The following CFHR4 variants were observed in gnomAD, a reference collection of about 807,000 sequenced individuals.
The protein encoded by CFHR4 is complement factor H-related protein 4.
CFHR4 carries 64 observed loss-of-function variants against 69.3 expected under a neutral mutation model. The ratio of observed to expected loss-of-function variants is 0.92; its 90% CI spans 0.76 to 1.14. The LOEUF is 1.14. Among genes scored for constraint, CFHR4 ranks in the 50% most tolerant of loss-of-function variants. The probability of loss-of-function intolerance (pLI) is 0.00; values close to 1 mark genes in which losing one functional copy is unlikely to be tolerated. For synonymous variants in CFHR4, 244 were observed against 237.0 expected (o/e 1.03, Z -0.27); for missense variants, 636 against 684.9 (o/e 0.93, Z 0.80).
chr1:196,916,635 T>C (rs1481298893), intron 9 of CFHR4, among the ~76,000 whole-genome samples: 1 of 151,812 alleles, frequency 6.6e-6, no homozygotes, highest in East Asian at 1.9e-4. Flanking sequence ...CAAATCAAAA[T>C]AGTTTACAAG....
At chr1:196,903,943 C>T (rs1384105722) in intron 2 of CFHR4, among the ~76,000 whole-genome samples, 3 of 151,512 alleles carry the variant, frequency 2.0e-5, no homozygotes, top group Non-Finnish European at 4.4e-5. Flanking sequence ...CTGACTTTCA[C>T]TTTTTAGGTA....
chr1:196,915,698 G>T (rs539756329), intron 9 of CFHR4, among the ~76,000 whole-genome samples: 5 of 151,130 alleles, frequency 3.3e-5, no homozygotes, highest in African/African-American at 1.2e-4. Flanking sequence ...AAAAGAAAAA[G>T]AGAAAAAGAA....
chr1:196,912,774 T>C lies in CFHR4; in HGVS notation c.1032T>C (p.Asn344=). The part of the protein sequence containing the change: ...TCSKSDIEIE[N]GFISESSSIY... ...CAAAATCAGATATAGAAATTGAAAA[T>C]GGATTCATTTCTGAATCTTCCTCTA... Residue 344 remains asparagine (N), a synonymous_variant, in exon 7 of 10, where the codon AAT becomes AAC. Transcript: ENST00000608469. 1 of 1,597,420 alleles carries C rather than the reference T, an allele frequency of 6.3e-7. No individual in the cohort carries two copies.
intron 6 of CFHR4, among the ~76,000 whole-genome samples, chr1:196,911,902 G>A (rs1363770520): frequency 4.0e-5 from 6 of 151,462 alleles, no homozygotes; most frequent in African/African-American, 1.5e-4. Context: ...GGCAAGAATA[G>A]ATCAGAAAAC....
intron 6 of CFHR4, among the ~76,000 whole-genome samples, 165 bp from the exon 7 acceptor site, chr1:196,912,575 T>A (rs2124969804): frequency 6.6e-6 from 1 of 151,604 alleles, no homozygotes; most frequent in African/African-American, 2.4e-5. Flanking sequence ...AAATTCGTGG[T>A]TTCCTTTAAG....
In CFHR4 at chr1:196,905,735, G is replaced by C. The variant is rs1657875173; in HGVS notation, c.439+445G>C. Among the ~76,000 whole-genome samples the C allele has an allele frequency of 1.3e-5, 2 of 151,442 alleles. 1 individual carries two copies. The highest frequency in any genetic ancestry group is 2.9e-5 in the Non-Finnish European group (2 of 67,918). On this transcript the variant is annotated intron_variant, in intron 3 of 9. Transcript: ENST00000608469. ...GAGTTTCTGCTAGCATCAGGAAAAT[G>C]AGACTTCAATAATTTGTATCAATGA...
chr1:196,905,128 G>A lies in CFHR4; in HGVS notation c.277G>A (p.Val93Ile), dbSNP rs150254054. Residue 93 changes from valine to isoleucine, a missense_variant, in exon 3 of 10, where the codon GTA (valine) becomes ATA (isoleucine). Val to Ile is a conservative substitution (Grantham distance 29). Coordinates refer to ENST00000608469, the MANE Select transcript of CFHR4 (RefSeq NM_001201550.3). ...PCLRTCSKSDVEIENGFISES... is the reference protein window; with the variant it reads ...PCLRTCSKSDIEIENGFISES... ...TTTAGGAACATGCTCAAAATCAGAT[G>A]TAGAAATTGAAAATGGATTCATTTC... 1.2e-3 allele frequency: 1,984 copies of A among 1,600,874 alleles called. 70 individuals carry two copies. The African/African-American group carries it at 0.024, about 19-fold the overall frequency.
At chr1:196,897,222 G>T (rs1281136348) in intron 1 of CFHR4, among the ~76,000 whole-genome samples, 1 of 151,568 alleles carries the variant, frequency 6.6e-6, no homozygotes, top group Non-Finnish European at 1.5e-5. Context: ...TTGTCGCCCC[G>T]CAGCTCAAAC....
intron 1 of CFHR4, among the ~76,000 whole-genome samples, chr1:196,901,864 G>T (rs1657630251): frequency 1.3e-5 from 2 of 151,276 alleles, no homozygotes; most frequent in South Asian, 2.1e-4. Context: ...AATATTCCTA[G>T]TTCATTTTCC....
chr1:196,900,039 C>T (rs1483286261), intron 1 of CFHR4, among the ~76,000 whole-genome samples: 1 of 151,416 alleles, frequency 6.6e-6, no homozygotes, highest in Non-Finnish European at 1.5e-5. Flanking sequence ...AAGAATCCTA[C>T]GTGCAAAGCT....
At chr1:196,892,049 T>G (rs985552896) in intron 1 of CFHR4, among the ~76,000 whole-genome samples, 1 of 151,588 alleles carries the variant, frequency 6.6e-6, no homozygotes, top group Non-Finnish European at 1.5e-5. Flanking sequence ...AAAAAACAAT[T>G]ATTGCTAATG....
Position 196,918,301 on chromosome 1 carries a change from T to C in CFHR4, c.1632T>C (p.Asp544=). 2 of 1,610,368 alleles carry C rather than the reference T, an allele frequency of 1.2e-6. No individual in the cohort carries two copies. Among genetic ancestry groups the C allele is most frequent in the Non-Finnish European group, 1.7e-6 (2 of 1,177,694 alleles). ...TAAAATATTATGCAAAAACAGGGGA[T>C]ACCATTGAATTTATGTGTAAATTGG... The part of the protein sequence containing the change: ...SDIKYYAKTG[D]TIEFMCKLGY... Residue 544 remains aspartate, a synonymous_variant, in exon 10 of 10, where the codon GAT becomes GAC. Coordinates refer to ENST00000608469, the MANE Select transcript of CFHR4 (RefSeq NM_001201550.3).
At chr1:196,891,410 A>C (rs532335323) in intron 1 of CFHR4, among the ~76,000 whole-genome samples, 1 of 151,488 alleles carries the variant, frequency 6.6e-6, no homozygotes, top group East Asian at 1.9e-4. Flanking sequence ...CTCAGCAAAA[A>C]ACTGTGCATC....
Position 196,918,272 on chromosome 1 carries a change from G to C in CFHR4, c.1603G>C (p.Asp535His). The C allele has an allele frequency of 1.2e-6, 2 of 1,608,112 alleles. No individual in the cohort carries two copies. Among genetic ancestry groups the C allele is most frequent in the Non-Finnish European group, 1.7e-6 (2 of 1,175,874 alleles). Residue 535 changes from aspartate to histidine, a missense_variant, in exon 10 of 10, where the codon GAC becomes CAC. This residue lies in a region of CFHR4 where 85 missense variants were observed against 79.0 expected (regional missense o/e 1.08). Transcript: ENST00000608469. The stretch of plus-strand genomic sequence containing the variant: ...TAACATACAGTTAAAAGGAAAAAGT[G>C]ACATAAAATATTATGCAAAAACAGG... The part of the protein sequence containing the change: ...KNNIQLKGKS[D>H]IKYYAKTGDT...
At chr1:196,901,169 A>G (rs34833349) in intron 1 of CFHR4, among the ~76,000 whole-genome samples, 25,298 of 151,120 alleles carry the variant, frequency 0.17, 2,891 homozygotes, top group African/African-American at 0.28. Context: ...ACAGCTGAGG[A>G]TTTATACCCT....
chr1:196,893,044 G>A (rs1657113902), intron 1 of CFHR4, among the ~76,000 whole-genome samples: 1 of 151,560 alleles, frequency 6.6e-6, no homozygotes, highest in South Asian at 2.1e-4. Context: ...GTGTTTTTCA[G>A]TGTCAACAAA....
intron 5 of CFHR4, 111 bp downstream of exon 5, chr1:196,907,609 G>A (rs1224339908): frequency 3.6e-6 from 3 of 830,772 alleles, no homozygotes; most frequent in Non-Finnish European, 5.6e-6. Context: ...TTCACAAACA[G>A]CTATTCTGCT....
chr1:196,915,229 C>T, intron 9 of CFHR4, 91 bp downstream of exon 9: 1 of 1,152,020 alleles, frequency 8.7e-7, no homozygotes, highest in Non-Finnish European at 1.3e-6. Flanking sequence ...GGTTATTACC[C>T]TAGAACTGTG....
intron 1 of CFHR4, among the ~76,000 whole-genome samples, chr1:196,899,995 G>C (rs908452420): frequency 6.6e-6 from 1 of 151,618 alleles, no homozygotes; most frequent in Non-Finnish European, 1.5e-5. Flanking sequence ...GATGGTGACA[G>C]TGAATCTGCA....
Sources: gnomAD v4.1 joint callset for allele counts (sites outside exome capture counted in the v4.1 genomes callset) on GRCh38, gnomAD v4.1.1 for gene constraint, gnomAD v4.1.1 regional missense constraint, MANE v1.5 for transcripts, NCBI Gene and HGNC (gene_info 2026-07-23, HGNC 2026-07-21) for gene names.